Variants in SLC12A6 observed in about 807,000 individuals in gnomAD.
SLC12A6 encodes solute carrier family 12 member 6, also known as K-Cl cotransporter 3.
SLC12A6 carries 66 observed loss-of-function variants against 135.3 expected under a neutral mutation model. The observed-to-expected ratio is 0.49, with a 90% CI of 0.40 to 0.60. The LOEUF (loss-of-function observed/expected upper bound fraction) is 0.60, where lower values mean the gene tolerates loss of function less well. SLC12A6 is among the 20% of genes least tolerant of loss of function. The pLI, the probability that SLC12A6 is intolerant of heterozygous loss-of-function variation, is 0.00. For synonymous variants in SLC12A6, 513 were observed against 508.8 expected (o/e 1.01, Z -0.11); for missense variants, 1,058 against 1,452.3 (o/e 0.73, Z 4.41).
chr15:34,282,162 C>T (rs1314687909), intron 2 of SLC12A6, among the ~76,000 whole-genome samples: 1 of 152,122 alleles, frequency 6.6e-6, no homozygotes, highest in East Asian at 1.9e-4. Flanking sequence ...CATAAGTACA[C>T]ATTCCTTAGT....
At chr15:34,239,974 A>C (rs1891532124) in intron 19 of SLC12A6, among the ~76,000 whole-genome samples, 1 of 152,062 alleles carries the variant, frequency 6.6e-6, no homozygotes, top group African/African-American at 2.4e-5. Context: ...AAATACTTTA[A>C]GTTTTAGGGT....
chr15:34,288,959 A>G (rs548910751), intron 2 of SLC12A6, among the ~76,000 whole-genome samples: 33 of 152,268 alleles, frequency 2.2e-4, no homozygotes, highest in African/African-American at 7.7e-4. Context: ...CTCTCTTCCT[A>G]TTTGAATATC....
At chr15:34,275,279 T>C (rs375610614) in intron 3 of SLC12A6, 66 bp downstream of exon 3, 45 of 815,180 alleles carry the variant, frequency 5.5e-5, no homozygotes, top group Non-Finnish European at 8.9e-5. Context: ...AAGGGAGTAA[T>C]GTCTGTTAGG....
At chr15:34,234,403 C>T (rs934185462) in intron 25 of SLC12A6, among the ~76,000 whole-genome samples, 1 of 151,540 alleles carries the variant, frequency 6.6e-6, no homozygotes, top group Non-Finnish European at 1.5e-5. Context: ...GACAGAATTT[C>T]CTCTTGTTGC....
At chr15:34,268,523 G>C (rs1893679386) in intron 3 of SLC12A6, among the ~76,000 whole-genome samples, 1 of 152,048 alleles carries the variant, frequency 6.6e-6, no homozygotes, top group Non-Finnish European at 1.5e-5. Context: ...TATACCAAAA[G>C]GCATGAAATT....
chr15:34,239,074 G>C lies in SLC12A6; in HGVS notation c.2523C>G (p.His841Gln), dbSNP rs138987629. Residue 841 changes from histidine (H) to glutamine (Q), a missense_variant, in exon 20 of 26, where the codon CAC becomes CAG. His to Gln is a conservative substitution (Grantham distance 24). Coordinates refer to ENST00000354181, the MANE Select transcript of SLC12A6 (RefSeq NM_001365088.1). ...CCCCAAGGCCACATGACTGGATGAG[G>C]TGGGAAATGCCCTCTCTCAGCTTGG... Reference protein sequence around the residue: ...VAAKLREGISHLIQSCGLGGM... With the variant: ...VAAKLREGISQLIQSCGLGGM... 24 of 1,614,094 alleles carry C rather than the reference G, an allele frequency of 1.5e-5. No homozygotes were observed. In the African/African-American group the frequency reaches 3.1e-4, roughly 21 times the overall value.
intron 2 of SLC12A6, among the ~76,000 whole-genome samples, chr15:34,296,303 A>G (rs1174104690): frequency 6.6e-6 from 1 of 152,188 alleles, no homozygotes; most frequent in Non-Finnish European, 1.5e-5. Flanking sequence ...ACACATAGTA[A>G]CATTTTACAG....
At chr15:34,300,163 A>T (rs1194501383) in intron 2 of SLC12A6, among the ~76,000 whole-genome samples, 5 of 152,308 alleles carry the variant, frequency 3.3e-5, no homozygotes, top group Admixed American at 3.3e-4. Context: ...GCACAGGTGT[A>T]TGGATCAATA....
intron 2 of SLC12A6, among the ~76,000 whole-genome samples, chr15:34,283,344 G>A (rs1042151031): frequency 3.0e-4 from 44 of 148,422 alleles, no homozygotes; most frequent in African/African-American, 1.1e-3. Flanking sequence ...ACTCTGTCTC[G>A]AAAAAAATAA....
chr15:34,322,213 T>C (rs1418916838), intron 2 of SLC12A6, among the ~76,000 whole-genome samples: 1 of 152,072 alleles, frequency 6.6e-6, no homozygotes, highest in Non-Finnish European at 1.5e-5. Flanking sequence ...AGAAACATTG[T>C]CTCTACTAAA....
intron 19 of SLC12A6, 34 bp downstream of exon 19, chr15:34,240,627 C>G (rs1566803273): frequency 6.3e-7 from 1 of 1,584,590 alleles, no homozygotes; most frequent in East Asian, 2.2e-5. Flanking sequence ...AAGCTGTAAA[C>G]TGAGTTCCAA....
Position 34,235,314 on chromosome 15 carries a change from CCT to C in SLC12A6, c.3228-2_3228-1del, listed in dbSNP as rs1444227608. On this transcript the variant is annotated splice_acceptor_variant, in intron 24 of 25. Transcript: ENST00000354181. LOFTEE classifies it high-confidence loss of function. ...GCATCCGCCTCACATTGGACTGGTC[CCT>C]GAGTGGGGAAGAAATAAAGGTTGTT... 1 of 1,612,876 alleles carries C rather than the reference CCT, an allele frequency of 6.2e-7. No homozygotes were observed. Among genetic ancestry groups the C allele is most frequent in the East Asian group, 2.2e-5 (1 of 44,880 alleles).
chr15:34,291,026 T>C (rs1271618181), intron 2 of SLC12A6, among the ~76,000 whole-genome samples: 1 of 152,258 alleles, frequency 6.6e-6, no homozygotes, highest in East Asian at 1.9e-4. Flanking sequence ...CCTGTCATTA[T>C]GTGCTAGCTT....
At chr15:34,337,255 C>G (rs903359250) in intron 1 of SLC12A6, 77 bp downstream of exon 1, 2 of 167,802 alleles carry the variant, frequency 1.2e-5, no homozygotes, top group African/African-American at 4.8e-5. Context: ...TGCAAAGCCA[C>G]CCGGTGTTTT....
chr15:34,265,181 AGC>A (rs1177568121), intron 3 of SLC12A6, among the ~76,000 whole-genome samples: 1 of 152,202 alleles, frequency 6.6e-6, no homozygotes, highest in Non-Finnish European at 1.5e-5. Context: ...TGGGCGACAG[AGC>A]GAGACTCCGT....
Position 34,229,830 on chromosome 15 carries a change from AT to A in SLC12A6, c.*4050del. 6.2e-7 allele frequency: 1 copy of A among 1,604,428 alleles called. No homozygotes were observed. The highest frequency in any genetic ancestry group is 8.5e-7 in the Non-Finnish European group (1 of 1,171,268). Reference sequence around the variant, plus strand: ...CCTGGTCCCTATGTATTTGGGTCTTATTTACATCCTTCTTTAAGCCCAGTGG... The same window carrying A: ...CCTGGTCCCTATGTATTTGGGTCTTATTACATCCTTCTTTAAGCCCAGTGG... On this transcript the variant is annotated 3_prime_UTR_variant, in exon 26 of 26. Coordinates refer to ENST00000354181, the MANE Select transcript of SLC12A6 (RefSeq NM_001365088.1).
intron 7 of SLC12A6, among the ~76,000 whole-genome samples, chr15:34,255,988 C>A (rs1295705682): frequency 1.3e-4 from 19 of 151,898 alleles, no homozygotes; most frequent in Non-Finnish European, 1.5e-5. Flanking sequence ...TATATTCCAA[C>A]TAATAAAAGC....
chr15:34,294,438 G>A (rs1895744115), intron 2 of SLC12A6, among the ~76,000 whole-genome samples: 1 of 152,186 alleles, frequency 6.6e-6, no homozygotes. Flanking sequence ...TGTATTCTTA[G>A]TAGAGAGGGG....
At chr15:34,311,521 A>G (rs1184658108) in intron 2 of SLC12A6, among the ~76,000 whole-genome samples, 3 of 152,194 alleles carry the variant, frequency 2.0e-5, no homozygotes, top group Admixed American at 2.0e-4. Flanking sequence ...TTAAGATATA[A>G]AGTAATCTCT....
Sources: gnomAD v4.1 joint callset for allele counts (sites outside exome capture counted in the v4.1 genomes callset) on GRCh38, gnomAD v4.1.1 for gene constraint, MANE v1.5 for transcripts, NCBI Gene and HGNC (gene_info 2026-07-23, HGNC 2026-07-21) for gene names.